The following PRKCB variants were observed in gnomAD, a reference collection of about 807,000 sequenced individuals.
PRKCB encodes protein kinase C beta.
In PRKCB, 13 loss-of-function variants were observed where a neutral mutation model predicts 81.5. The observed-to-expected ratio is 0.16, with a 90% CI of 0.10 to 0.25. The LOEUF (loss-of-function observed/expected upper bound fraction) is 0.25. Among genes scored for constraint, PRKCB ranks in the 10% least tolerant of loss-of-function variants. PRKCB has a pLI of 1.00. For missense variants in PRKCB, 509 were observed against 875.7 expected (o/e 0.58, Z 5.29); for synonymous variants, 335 against 321.4 (o/e 1.04, Z -0.45).
intron 7 of PRKCB, among the ~76,000 whole-genome samples, chr16:24,096,113 T>C (rs1966435812): frequency 6.6e-6 from 1 of 152,010 alleles, no homozygotes; most frequent in African/African-American, 2.4e-5. Flanking sequence ...CTGGCCAACA[T>C]GGTGAAACCC....
intron 10 of PRKCB, among the ~76,000 whole-genome samples, chr16:24,169,889 G>T (rs1967414934): frequency 6.6e-6 from 1 of 152,120 alleles, no homozygotes; most frequent in Non-Finnish European, 1.5e-5. Context: ...CAACTCTGCT[G>T]CACCAGCCTC....
intron 2 of PRKCB, among the ~76,000 whole-genome samples, chr16:23,911,059 C>G (rs1302844928): frequency 7.0e-6 from 1 of 143,214 alleles, no homozygotes. Flanking sequence ...TCTATTTATT[C>G]ATCAATTAGT....
chr16:23,875,428 G>T (rs62031693), intron 2 of PRKCB, among the ~76,000 whole-genome samples: 1,907 of 145,668 alleles, frequency 0.013, 107 homozygotes, highest in South Asian at 0.035. Context: ...TTACCAGCGG[G>T]TGTCCAAGGA....
chr16:24,093,686 C>T (rs377117035), intron 6 of PRKCB, among the ~76,000 whole-genome samples: 2 of 152,292 alleles, frequency 1.3e-5, no homozygotes, highest in East Asian at 3.9e-4. Context: ...CCTGTCTCCT[C>T]TTCCCTCTCT....
At chr16:24,038,596 T>G (rs1965654871) in intron 5 of PRKCB, among the ~76,000 whole-genome samples, 1 of 152,238 alleles carries the variant, frequency 6.6e-6, no homozygotes, top group African/African-American at 2.4e-5. Flanking sequence ...GGGCACAGCC[T>G]GTACTCAGCA....
In PRKCB at chr16:24,035,541, G is replaced by A; in HGVS notation, c.523G>A (p.Val175Ile). ...QAHIDRDVLI[V>I]LVRDAKNLVP... ...CCACATCGACAGGGACGTCCTCATT[G>A]TCCTCGGTAGGTGGCCCTGGGGCTC... is the stretch of plus-strand genomic sequence containing the variant. Residue 175 changes from valine (V) to isoleucine (I), a missense_variant, in exon 5 of 17, where the codon GTC becomes ATC. Val to Ile is a conservative substitution (Grantham distance 29). This residue lies in a region of PRKCB where 184 missense variants were observed against 362.9 expected (regional missense o/e 0.51). Coordinates refer to ENST00000643927, the MANE Select transcript of PRKCB (RefSeq NM_002738.7). 1 of 1,613,438 alleles carries A rather than the reference G, an allele frequency of 6.2e-7. No homozygotes were observed. The highest frequency in any genetic ancestry group is 8.5e-7 in the Non-Finnish European group (1 of 1,179,810).
At chr16:24,100,264 C>T (rs1232243927) in intron 7 of PRKCB, among the ~76,000 whole-genome samples, 2 of 151,742 alleles carry the variant, frequency 1.3e-5, no homozygotes, top group Non-Finnish European at 2.9e-5. Context: ...ATCCTCTTGG[C>T]CGAGGAGGGG....
chr16:24,014,251 C>T (rs1237670084), intron 3 of PRKCB, among the ~76,000 whole-genome samples: 1 of 151,960 alleles, frequency 6.6e-6, no homozygotes, highest in East Asian at 1.9e-4. Context: ...CCTTAGTTGG[C>T]TTACGGCACT....
At chr16:23,890,510 C>A (rs1351937971) in intron 2 of PRKCB, among the ~76,000 whole-genome samples, 1 of 152,166 alleles carries the variant, frequency 6.6e-6, no homozygotes, top group Non-Finnish European at 1.5e-5. Flanking sequence ...AGCAAAATGA[C>A]CCTTGCCCCA....
intron 2 of PRKCB, among the ~76,000 whole-genome samples, chr16:23,882,013 T>TTCCTTCCTTC: frequency 4.4e-5 from 1 of 22,590 alleles, no homozygotes; most frequent in African/African-American, 9.0e-5. Context: ...TTTCTTTCTT[T>TTCCTTCCTTC]CTTTCTTTCT....
intron 2 of PRKCB, among the ~76,000 whole-genome samples, chr16:23,900,844 A>G (rs563380218): frequency 4.1e-5 from 6 of 144,704 alleles, no homozygotes; most frequent in African/African-American, 1.5e-4. Context: ...CTTGTACCTA[A>G]CTGTGGACAC....
chr16:24,113,251 G>C (rs1308135547), intron 8 of PRKCB, among the ~76,000 whole-genome samples, 182 bp downstream of exon 8: 1 of 138,292 alleles, frequency 7.2e-6, no homozygotes, highest in South Asian at 2.3e-4. Context: ...TTACTTGCTT[G>C]CTTTCTCGCT....
intron 2 of PRKCB, among the ~76,000 whole-genome samples, chr16:23,878,380 G>T (rs1008321760): frequency 2.0e-5 from 3 of 152,138 alleles, no homozygotes; most frequent in Admixed American, 1.3e-4. Context: ...TCCAACTCGT[G>T]CCTGATCAAA....
At chr16:24,042,166 T>G (rs980107685) in intron 5 of PRKCB, among the ~76,000 whole-genome samples, 1 of 152,164 alleles carries the variant, frequency 6.6e-6, no homozygotes, top group African/African-American at 2.4e-5. Context: ...TGCCCAGCCA[T>G]GCGTCAATTG....
chr16:24,026,719 G>C (rs906347298), intron 3 of PRKCB, among the ~76,000 whole-genome samples: 5 of 152,204 alleles, frequency 3.3e-5, no homozygotes, highest in African/African-American at 1.2e-4. Flanking sequence ...TCTTGGAGAG[G>C]AGCTGGCTCA....
At chr16:24,194,068 C>T (rs577289552) in intron 16 of PRKCB, among the ~76,000 whole-genome samples, 6 of 152,104 alleles carry the variant, frequency 3.9e-5, no homozygotes, top group African/African-American at 7.2e-5. Flanking sequence ...GGCTCACACC[C>T]GTAATCCCAG....
At chr16:24,107,227 T>G (rs1966590551) in intron 7 of PRKCB, among the ~76,000 whole-genome samples, 1 of 152,240 alleles carries the variant, frequency 6.6e-6, no homozygotes, top group Non-Finnish European at 1.5e-5. Context: ...CAAATATGAA[T>G]TAGGTAGTTT....
rs1968247907 is a variant in PRKCB, at chr16:24,217,550, G to A, written c.*2734G>A. The A allele has an allele frequency of 6.1e-6, 6 of 985,196 alleles. No homozygotes were observed. Among genetic ancestry groups the A allele is most frequent in the African/African-American group, 1.7e-5 (1 of 57,188 alleles). 61.0% of individuals were successfully genotyped at this position (985,196 alleles called of 1,614,324 possible). A position where few individuals can be genotyped will look rare whatever the true frequency, so the allele number is the denominator to read the frequency against. On this transcript the variant is annotated 3_prime_UTR_variant, in exon 17 of 17. Coordinates refer to ENST00000643927, the MANE Select transcript of PRKCB (RefSeq NM_002738.7). ...AAGCTTATTCTCTCCCAACTTCTAC[G>A]GTAAAATCCAGGAGTATTTTCTCTG... is the stretch of plus-strand genomic sequence containing the variant.
chr16:23,950,631 C>T (rs766283690), intron 2 of PRKCB, among the ~76,000 whole-genome samples: 4 of 152,178 alleles, frequency 2.6e-5, no homozygotes, highest in African/African-American at 4.8e-5. Context: ...AGTAAACCCA[C>T]GTGTTGGCTG....
Sources: gnomAD v4.1 joint callset for allele counts (sites outside exome capture counted in the v4.1 genomes callset) on GRCh38, gnomAD v4.1.1 for gene constraint, gnomAD v4.1.1 regional missense constraint, MANE v1.5 for transcripts, NCBI Gene and HGNC (gene_info 2026-07-23, HGNC 2026-07-21) for gene names.